The following TADA2A variants were observed in gnomAD, a reference collection of about 807,000 sequenced individuals.
The protein encoded by TADA2A is transcriptional adaptor 2A, also known as transcriptional adapter 2-alpha.
TADA2A carries 38 observed loss-of-function variants against 67.4 expected under a neutral mutation model. The observed-to-expected ratio is 0.56, with a 90% CI of 0.44 to 0.74. The LOEUF (loss-of-function observed/expected upper bound fraction) is 0.74, where lower values mean the gene tolerates loss of function less well. Ranked by LOEUF, TADA2A falls within the 30% of genes least tolerant of loss-of-function variation. The pLI is 0.00. For synonymous variants in TADA2A, 192 were observed against 181.6 expected, an observed-to-expected ratio of 1.06 and a Z score of -0.46; for missense variants, 454 against 547.0, an observed-to-expected ratio of 0.83 and a Z score of 1.70.
At chr17:37,476,770 G>A (rs763040181) in intron 15 of TADA2A, 27 bp from the exon 16 acceptor site, 13 of 1,585,010 alleles carry the variant, frequency 8.2e-6, no homozygotes, top group Non-Finnish European at 1.1e-5. Flanking sequence ...AGATGTTAAT[G>A]TTTATTAAAT....
Position 37,470,465 on chromosome 17 carries a change from T to C in TADA2A, c.961T>C (p.Ser321Pro). The C allele has an allele frequency of 6.2e-7, 1 of 1,612,360 alleles. No homozygotes were observed. Among genetic ancestry groups the C allele is most frequent in the Middle Eastern group, 1.7e-4 (1 of 6,042 alleles). The change falls in exon 13 of 16, where the codon TCA becomes CCA. Residue 321 changes from serine to proline, a missense_variant. This residue lies in a region of TADA2A where 403 missense variants were observed against 455.5 expected (regional missense o/e 0.88). Transcript: ENST00000615182. ...AGAGCGCCTTAAACGCACTATGCTC[T>C]CAGAAGTTCTCCAGTATATCCAGGA... is the stretch of plus-strand genomic sequence containing the variant. ...EEERLKRTMLSEVLQYIQDSS... is the reference protein window; with the variant it reads ...EEERLKRTMLPEVLQYIQDSS...
intron 2 of TADA2A, 147 bp from the exon 3 acceptor site, chr17:37,423,362 T>G: frequency 1.7e-6 from 1 of 585,838 alleles, no homozygotes; most frequent in South Asian, 2.9e-5. Context: ...TTTTTGCTTT[T>G]TTTTATTTGT....
chr17:37,465,728 A>G, intron 11 of TADA2A, 187 bp downstream of exon 11: 1 of 952,390 alleles, frequency 1.0e-6, no homozygotes, highest in South Asian at 1.9e-5. Context: ...AAAAGCCCTA[A>G]TGACTTCCCC....
At chr17:37,427,231 A>G (rs1474016597) in intron 4 of TADA2A, among the ~76,000 whole-genome samples, 1 of 152,254 alleles carries the variant, frequency 6.6e-6, no homozygotes, top group Non-Finnish European at 1.5e-5. Context: ...AAGCACAAAA[A>G]TAGTTTTATA....
chr17:37,408,802 CTT>C (rs2051761395), intron 1 of TADA2A, among the ~76,000 whole-genome samples: 1 of 152,118 alleles, frequency 6.6e-6, no homozygotes, highest in South Asian at 2.1e-4. Flanking sequence ...CAGAGCTCAA[CTT>C]TTCCTGAGAG....
At chr17:37,470,069 G>A (rs2053753108) in intron 12 of TADA2A, among the ~76,000 whole-genome samples, 1 of 152,150 alleles carries the variant, frequency 6.6e-6, no homozygotes, top group Non-Finnish European at 1.5e-5. Context: ...AAAACAGGAA[G>A]CAAATATGAC....
rs539405985 is a variant in TADA2A, at chr17:37,467,378, G to C, written c.824-76G>C. 34 of 1,188,750 alleles carry C rather than the reference G, an allele frequency of 2.9e-5. No individual in the cohort carries two copies. The African/African-American group carries it at 5.0e-4, about 18-fold the overall frequency. 73.6% of individuals were successfully genotyped at this position (1,188,750 alleles called of 1,614,324 possible). A position where few individuals can be genotyped will look rare whatever the true frequency, so the allele number is the denominator to read the frequency against. On this transcript the variant is annotated intron_variant, in intron 11 of 15. Transcript: ENST00000615182. ...CTTATAAGGCAGAATTAATGAAAAT[G>C]CTCAATAGCAAAAGTGCTCACTAAT...
At chr17:37,472,253 A>G (rs1336026145) in intron 14 of TADA2A, among the ~76,000 whole-genome samples, 1 of 151,354 alleles carries the variant, frequency 6.6e-6, no homozygotes, top group Non-Finnish European at 1.5e-5. Context: ...TTCAGTAGAG[A>G]TGGGGTTTCG....
At chr17:37,440,456 T>C in intron 5 of TADA2A, 49 bp from the exon 6 acceptor site, 12 of 1,595,224 alleles carry the variant, frequency 7.5e-6, no homozygotes, top group Non-Finnish European at 1.0e-5. Context: ...CTTTTAGTAT[T>C]ATGTGTAAAT....
At chr17:37,428,458 TTCTC>T (rs2052472666) in intron 4 of TADA2A, among the ~76,000 whole-genome samples, 1 of 152,200 alleles carries the variant, frequency 6.6e-6, no homozygotes, top group Non-Finnish European at 1.5e-5. Context: ...TGGGCCCCCT[TTCTC>T]CATCCTCAAA....
At chr17:37,444,273 A>AAAG (rs1322095618) in intron 7 of TADA2A, among the ~76,000 whole-genome samples, 3 of 151,188 alleles carry the variant, frequency 2.0e-5, no homozygotes, top group African/African-American at 7.3e-5. Context: ...AAAAAAAAAA[A>AAAG]AAGAATGAAT....
chr17:37,465,674 C>G, intron 11 of TADA2A, 133 bp downstream of exon 11: 1 of 1,493,866 alleles, frequency 6.7e-7, no homozygotes. Flanking sequence ...CCTTTATTAC[C>G]ATGAGACAAA....
chr17:37,446,631 ATAT>A (rs2053090397), intron 8 of TADA2A, among the ~76,000 whole-genome samples: 1 of 151,990 alleles, frequency 6.6e-6, no homozygotes, highest in Admixed American at 6.6e-5. Flanking sequence ...AATTTTTAAA[ATAT>A]TATTATTGTT....
chr17:37,465,355 TAA>T lies in TADA2A; in HGVS notation c.713-64_713-63del, dbSNP rs142934801. ...TAATGTTCTTCCATTTTACTAATTG[TAA>T]AAAAAAAAAAATGCTGAAAACTCAG... On this transcript the variant is annotated intron_variant, in intron 10 of 15. Coordinates refer to ENST00000615182, the MANE Select transcript of TADA2A (RefSeq NM_001166105.3). 6.8e-3 allele frequency: 6,639 copies of T among 971,318 alleles called. 2 individuals carry two copies. The highest frequency in any genetic ancestry group is 0.012 in the South Asian group (654 of 53,752). 60.2% of individuals were successfully genotyped at this position (971,318 alleles called of 1,614,324 possible). A position where few individuals can be genotyped will look rare whatever the true frequency, so the allele number is the denominator to read the frequency against.
chr17:37,472,062 C>T (rs1184831006), intron 14 of TADA2A, among the ~76,000 whole-genome samples: 2 of 150,144 alleles, frequency 1.3e-5, no homozygotes, highest in African/African-American at 4.9e-5. Flanking sequence ...GATTTGTCCG[C>T]GTTAGGGACT....
chr17:37,475,576 G>A (rs1380222515), intron 15 of TADA2A, among the ~76,000 whole-genome samples: 1 of 151,854 alleles, frequency 6.6e-6, no homozygotes, highest in Non-Finnish European at 1.5e-5. Flanking sequence ...GGGTTCAAAC[G>A]ATTCTCCTGC....
chr17:37,455,703 C>T (rs1209931829), intron 8 of TADA2A, among the ~76,000 whole-genome samples: 1 of 152,112 alleles, frequency 6.6e-6, no homozygotes, highest in Non-Finnish European at 1.5e-5. Context: ...TTTTAAAATA[C>T]ACATTTCATT....
chr17:37,427,386 A>G (rs1200458084), intron 4 of TADA2A, among the ~76,000 whole-genome samples: 2 of 152,216 alleles, frequency 1.3e-5, no homozygotes, highest in Non-Finnish European at 2.9e-5. Context: ...TATGTGGTTC[A>G]TGTGGACAGT....
chr17:37,467,587 A>G, intron 12 of TADA2A, 62 bp downstream of exon 12: 1 of 1,380,854 alleles, frequency 7.2e-7, no homozygotes, highest in Non-Finnish European at 1.0e-6. Context: ...ACACAGAGGA[A>G]GTCTCTGAAT....
Sources: allele counts gnomAD v4.1 joint callset (sites outside exome capture counted in the v4.1 genomes callset), GRCh38; gene constraint gnomAD v4.1.1; regional missense constraint gnomAD v4.1.1; transcripts MANE v1.5; gene names NCBI Gene and HGNC (gene_info 2026-07-23, HGNC 2026-07-21).